TTC28: variants seen among roughly 807,000 people sequenced by gnomAD.
TTC28 encodes the protein tetratricopeptide repeat domain 28, also known as tetratricopeptide repeat protein 28.
A neutral mutation model predicts 198.0 loss-of-function variants in TTC28; 61 were observed. That is an observed-to-expected ratio of 0.31 (90% CI 0.25 to 0.38). The LOEUF is 0.38. Ranked by LOEUF, TTC28 falls within the 10% of genes least tolerant of loss-of-function variation. The probability of loss-of-function intolerance (pLI) is 1.00; values close to 1 mark genes in which losing one functional copy is unlikely to be tolerated. For missense variants in TTC28, 2,678 were observed against 3,164.0 expected (o/e 0.85, Z 3.69); for synonymous variants, 1,171 against 1,297.8 (o/e 0.90, Z 2.10).
intron 1 of TTC28, among the ~76,000 whole-genome samples, chr22:28,671,655 T>A (rs903874630): frequency 7.8e-5 from 11 of 141,198 alleles, no homozygotes; most frequent in African/African-American, 1.8e-4. Flanking sequence ...AAAAAAAAAA[T>A]TTCTTCCATT....
At chr22:28,616,061 C>A (rs962428843) in intron 2 of TTC28, among the ~76,000 whole-genome samples, 2 of 152,262 alleles carry the variant, frequency 1.3e-5, no homozygotes, top group Middle Eastern at 3.4e-3. Flanking sequence ...ATAGTCTCTG[C>A]AACATCATTT....
chr22:28,224,891 A>C (rs935362560), intron 5 of TTC28, among the ~76,000 whole-genome samples: 1 of 152,132 alleles, frequency 6.6e-6, no homozygotes, highest in African/African-American at 2.4e-5. Context: ...GAATATGTTC[A>C]TAATGATTGT....
intron 6 of TTC28, among the ~76,000 whole-genome samples, chr22:28,108,707 AG>A (rs1942398761): frequency 6.6e-6 from 1 of 152,244 alleles, no homozygotes; most frequent in African/African-American, 2.4e-5. Context: ...TAAATGAAAA[AG>A]TTCAATAGCC....
chr22:28,522,144 A>T (rs1310899829), intron 2 of TTC28, among the ~76,000 whole-genome samples: 2 of 152,254 alleles, frequency 1.3e-5, no homozygotes, highest in Non-Finnish European at 2.9e-5. Flanking sequence ...TAACTAAAAA[A>T]GTAGAGTTAG....
At chr22:28,536,744 T>C (rs951432376) in intron 2 of TTC28, among the ~76,000 whole-genome samples, 6 of 152,214 alleles carry the variant, frequency 3.9e-5, no homozygotes, top group Non-Finnish European at 4.4e-5. Flanking sequence ...CTATGACTTA[T>C]TGTTTTACAA....
intron 2 of TTC28, among the ~76,000 whole-genome samples, chr22:28,355,075 A>G (rs913719462): frequency 3.3e-5 from 5 of 150,658 alleles, no homozygotes; most frequent in African/African-American, 9.8e-5. Flanking sequence ...GAAAATAATC[A>G]TTACTGCTAA....
chr22:28,162,013 C>T (rs1006724776), intron 6 of TTC28, among the ~76,000 whole-genome samples: 12 of 152,130 alleles, frequency 7.9e-5, no homozygotes, highest in African/African-American at 2.9e-4. Flanking sequence ...GTCCTCTCCC[C>T]GTCCTGAATC....
intron 12 of TTC28, among the ~76,000 whole-genome samples, chr22:28,085,535 C>T (rs967517828): frequency 1.3e-4 from 20 of 152,236 alleles, no homozygotes; most frequent in South Asian, 4.2e-4. Flanking sequence ...AAGGAACAAC[C>T]GGTAGCAGCC....
chr22:28,240,073 A>C (rs887080902), intron 5 of TTC28, among the ~76,000 whole-genome samples: 4 of 152,264 alleles, frequency 2.6e-5, no homozygotes, highest in African/African-American at 9.6e-5. Flanking sequence ...ACTGTATTTC[A>C]AATGAGTAAT....
At chr22:28,390,860 T>A (rs2046706515) in intron 2 of TTC28, among the ~76,000 whole-genome samples, 1 of 152,184 alleles carries the variant, frequency 6.6e-6, no homozygotes, top group Non-Finnish European at 1.5e-5. Context: ...GTTAATATTG[T>A]TATGTGTGAA....
chr22:28,462,446 A>G (rs571222933), intron 2 of TTC28, among the ~76,000 whole-genome samples: 30 of 152,350 alleles, frequency 2.0e-4, no homozygotes, highest in African/African-American at 7.2e-4. Flanking sequence ...GTCAATGTGA[A>G]TAAGTAATGT....
chr22:28,241,883 T>C (rs1481444032), intron 5 of TTC28, among the ~76,000 whole-genome samples: 1 of 152,164 alleles, frequency 6.6e-6, no homozygotes, highest in Non-Finnish European at 1.5e-5. Context: ...AGGATGTGTT[T>C]TGTGGTTATA....
At chr22:28,618,871 C>A (rs2050945519) in intron 2 of TTC28, among the ~76,000 whole-genome samples, 1 of 151,890 alleles carries the variant, frequency 6.6e-6, no homozygotes, top group South Asian at 2.1e-4. Context: ...GAAAATATAT[C>A]ACACATATTA....
At chr22:28,178,840 G>A (rs947299911) in intron 5 of TTC28, among the ~76,000 whole-genome samples, 2 of 152,156 alleles carry the variant, frequency 1.3e-5, no homozygotes, top group African/African-American at 4.8e-5. Flanking sequence ...AGATAAAGTG[G>A]CATATCCAAA....
chr22:28,153,581 T>C (rs1172791050), intron 6 of TTC28, among the ~76,000 whole-genome samples: 4 of 152,044 alleles, frequency 2.6e-5, no homozygotes, highest in East Asian at 1.9e-4. Flanking sequence ...TAATCACTTG[T>C]TGAATGAAAA....
intron 1 of TTC28, among the ~76,000 whole-genome samples, chr22:28,677,895 G>A (rs1464083003): frequency 1.3e-5 from 2 of 151,736 alleles, no homozygotes. Flanking sequence ...CTGAGATTGT[G>A]CTACTGCACT....
At chr22:28,629,863 C>A in intron 1 of TTC28, 33 bp from the exon 2 acceptor site, 1 of 1,516,644 alleles carries the variant, frequency 6.6e-7, no homozygotes, top group South Asian at 1.3e-5. Context: ...AGAAAAAGTT[C>A]AGATAATCCA....
chr22:28,069,669 A>T (rs1940886793), intron 12 of TTC28, among the ~76,000 whole-genome samples: 1 of 152,116 alleles, frequency 6.6e-6, no homozygotes, highest in African/African-American at 2.4e-5. Flanking sequence ...TGCCTGTTTG[A>T]CTCATTTTCA....
chr22:28,118,522 G>A (rs542634303), intron 6 of TTC28, among the ~76,000 whole-genome samples: 189 of 152,186 alleles, frequency 1.2e-3, no homozygotes, highest in Admixed American at 3.3e-3. Flanking sequence ...CCTTCTCTAT[G>A]TTTAGATACA....
Sources: allele counts gnomAD v4.1 joint callset (sites outside exome capture counted in the v4.1 genomes callset), GRCh38; gene constraint gnomAD v4.1.1; transcripts MANE v1.5; gene names NCBI Gene and HGNC (gene_info 2026-07-23, HGNC 2026-07-21).